CNTLN: variants seen among roughly 807,000 people sequenced by gnomAD.
CNTLN encodes centlein.
CNTLN carries 212 observed loss-of-function variants against 180.0 expected under a neutral mutation model. The ratio of observed to expected loss-of-function variants is 1.18; its 90% confidence interval spans 1.05 to 1.32. CNTLN has a LOEUF of 1.32. Among genes scored for constraint, CNTLN ranks in the 40% most tolerant of loss-of-function variants. The pLI is 0.00. For missense variants in CNTLN, 2,095 were observed against 1,610.9 expected, an observed-to-expected ratio of 1.30 and a Z score of -5.14; for synonymous variants, 722 against 563.1, an observed-to-expected ratio of 1.28 and a Z score of -3.99.
intron 2 of CNTLN, among the ~76,000 whole-genome samples, chr9:17,162,450 C>A (rs1819749354): frequency 6.6e-6 from 1 of 152,190 alleles, no homozygotes; most frequent in Non-Finnish European, 1.5e-5. Flanking sequence ...TAGTAACAAC[C>A]AATTCACAGT....
intron 25 of CNTLN, among the ~76,000 whole-genome samples, chr9:17,488,217 G>T (rs1328013104): frequency 6.6e-6 from 1 of 152,192 alleles, no homozygotes; most frequent in Non-Finnish European, 1.5e-5. Flanking sequence ...TTGAAACATT[G>T]TCTGGAATCA....
intron 5 of CNTLN, among the ~76,000 whole-genome samples, chr9:17,259,466 G>A (rs1249385395): frequency 6.8e-6 from 1 of 147,996 alleles, no homozygotes; most frequent in Non-Finnish European, 1.5e-5. Context: ...CCCGGCTTTG[G>A]TATCAGAATG....
intron 23 of CNTLN, among the ~76,000 whole-genome samples, chr9:17,474,139 C>A (rs746167868): frequency 2.6e-5 from 4 of 152,130 alleles, no homozygotes; most frequent in African/African-American, 4.8e-5. Context: ...ATATTCTGAC[C>A]TATGACTCCC....
intron 8 of CNTLN, among the ~76,000 whole-genome samples, chr9:17,327,357 C>A (rs947772137): frequency 1.3e-5 from 2 of 151,542 alleles, no homozygotes; most frequent in Non-Finnish European, 2.9e-5. Context: ...GGACTACAGG[C>A]GTCTGCCACA....
intron 23 of CNTLN, among the ~76,000 whole-genome samples, chr9:17,477,584 C>G (rs2134274068): frequency 6.6e-6 from 1 of 152,156 alleles, no homozygotes; most frequent in Middle Eastern, 3.4e-3. Context: ...TTGAGGAGTT[C>G]AAGACATTAG....
At chr9:17,338,434 A>T (rs954525420) in intron 10 of CNTLN, among the ~76,000 whole-genome samples, 2 of 147,036 alleles carry the variant, frequency 1.4e-5, no homozygotes, top group African/African-American at 2.5e-5. Flanking sequence ...CGGCCTCCCA[A>T]AGTGCTGAGA....
intron 20 of CNTLN, among the ~76,000 whole-genome samples, chr9:17,463,333 A>T (rs1211074765): frequency 2.6e-5 from 4 of 151,614 alleles, no homozygotes; most frequent in African/African-American, 7.3e-5. Context: ...CAAATATATG[A>T]TTAGTATTTG....
At chr9:17,246,102 A>G (rs780522313) in intron 5 of CNTLN, among the ~76,000 whole-genome samples, 1 of 151,982 alleles carries the variant, frequency 6.6e-6, no homozygotes, top group Non-Finnish European at 1.5e-5. Context: ...GTGGATATTC[A>G]TTGGTATCCA....
rs532911676 is a variant in CNTLN, at chr9:17,198,328, A to G, written c.450-27875A>G. Reference sequence around the variant, plus strand: ...GAATCTGTAGATGGCTTTGGGTAGTATGGACATTTTAATAATATTGATTCG... The same window carrying G: ...GAATCTGTAGATGGCTTTGGGTAGTGTGGACATTTTAATAATATTGATTCG... On this transcript the variant is annotated intron_variant, in intron 2 of 25. Transcript: ENST00000380647. 4.0e-5 allele frequency among the ~76,000 whole-genome samples: 6 copies of G among 149,036 alleles called. No individual in the cohort carries two copies. In the East Asian group the frequency reaches 7.9e-4, roughly 20 times the overall value.
chr9:17,366,628 A>C lies in CNTLN; in HGVS notation c.1898A>C (p.Glu633Ala), dbSNP rs1379382108. Residue 633 changes from glutamate (E) to alanine (A), a missense_variant, in exon 13 of 26, where the codon GAA becomes GCA. Transcript: ENST00000380647. ...TTGCTTTTTCATAGGATGAATCTTG[A>C]AGAAGAATTAGATGAACTTAAAGTA... The part of the protein sequence containing the change: ...QELMIQKMNL[E>A]EELDELKVHI... 1 of 1,508,180 alleles carries C rather than the reference A, an allele frequency of 6.6e-7. No homozygotes were observed. Among genetic ancestry groups the C allele is most frequent in the Non-Finnish European group, 9.1e-7 (1 of 1,093,300 alleles). 93.4% of individuals were successfully genotyped at this position (1,508,180 alleles called of 1,614,324 possible). A position where few individuals can be genotyped will look rare whatever the true frequency, so the allele number is the denominator to read the frequency against.
At chr9:17,137,723 T>A (rs1219123812) in intron 1 of CNTLN, among the ~76,000 whole-genome samples, 1 of 152,214 alleles carries the variant, frequency 6.6e-6, no homozygotes, top group Non-Finnish European at 1.5e-5. Flanking sequence ...TTAATTTGTT[T>A]TGCTTTCACA....
chr9:17,350,387 C>G (rs1279517639), intron 12 of CNTLN, among the ~76,000 whole-genome samples: 10 of 152,154 alleles, frequency 6.6e-5, no homozygotes, highest in Admixed American at 5.2e-4. Flanking sequence ...TAGATGGGTA[C>G]TTTTTTAGGC....
chr9:17,294,167 C>G (rs1022702421), intron 6 of CNTLN, among the ~76,000 whole-genome samples: 2 of 151,984 alleles, frequency 1.3e-5, no homozygotes, highest in African/African-American at 4.8e-5. Flanking sequence ...CAGTGTGGAT[C>G]CAAAGAGTGA....
chr9:17,193,112 G>A (rs757535528), intron 2 of CNTLN, among the ~76,000 whole-genome samples: 2 of 152,086 alleles, frequency 1.3e-5, no homozygotes, highest in East Asian at 1.9e-4. Flanking sequence ...TTATCTCACC[G>A]GCTCCCTCCT....
chr9:17,208,206 A>C (rs1382189023), intron 2 of CNTLN, among the ~76,000 whole-genome samples: 1 of 152,068 alleles, frequency 6.6e-6, no homozygotes. Context: ...CTGCTTTTTC[A>C]CGTGACATCA....
intron 2 of CNTLN, among the ~76,000 whole-genome samples, chr9:17,217,627 C>T (rs1823850525): frequency 6.6e-6 from 1 of 152,220 alleles, no homozygotes; most frequent in South Asian, 2.1e-4. Context: ...GATTTTCAAA[C>T]ACTGGAAGAA....
intron 1 of CNTLN, among the ~76,000 whole-genome samples, chr9:17,139,971 A>G (rs1389824461): frequency 6.6e-6 from 1 of 152,192 alleles, no homozygotes; most frequent in Non-Finnish European, 1.5e-5. Flanking sequence ...TCAGCCTTAT[A>G]GGGGTGAGCT....
chr9:17,484,201 A>G (rs910368394), intron 23 of CNTLN, 94 bp from the exon 24 acceptor site: 5 of 984,566 alleles, frequency 5.1e-6, no homozygotes, highest in Non-Finnish European at 7.6e-6. Flanking sequence ...TAGTAAAAAA[A>G]TGATTTGTTA....
At position 17,432,104 on chromosome 9, in the gene CNTLN, C is replaced by A. The variant is rs534394050; in HGVS notation, c.3114+15915C>A. On this transcript the variant is annotated intron_variant, in intron 18 of 25. Transcript: ENST00000380647. ...ATGTGAGAGACCCAGTACTTTGAAA[C>A]ATGAATGAAATGAAGTAAATCCAAA... 5.9e-5 allele frequency among the ~76,000 whole-genome samples: 9 copies of A among 152,050 alleles called. No individual in the cohort carries two copies. In the East Asian group the frequency reaches 1.7e-3, roughly 29 times the overall value.
Sources: gnomAD v4.1 joint callset for allele counts (sites outside exome capture counted in the v4.1 genomes callset) on GRCh38, gnomAD v4.1.1 for gene constraint, MANE v1.5 for transcripts, NCBI Gene and HGNC (gene_info 2026-07-23, HGNC 2026-07-21) for gene names.